Variants in CADM1 observed in about 807,000 individuals in gnomAD.
CADM1 encodes the protein TSLC-1.
In CADM1, 15 loss-of-function variants were observed where a neutral mutation model predicts 53.1. The ratio of observed to expected loss-of-function variants is 0.28; its 90% confidence interval spans 0.19 to 0.44. The LOEUF (loss-of-function observed/expected upper bound fraction) is 0.44, where lower values mean the gene tolerates loss of function less well. Among genes scored for constraint, CADM1 ranks in the 20% least tolerant of loss-of-function variants. The probability of loss-of-function intolerance (pLI) is 1.00; values close to 1 mark genes in which losing one functional copy is unlikely to be tolerated. For missense variants in CADM1, 434 were observed against 611.3 expected (o/e 0.71, Z 3.06); for synonymous variants, 281 against 243.0 (o/e 1.16, Z -1.45).
rs1939158705 is a variant in CADM1 at position 115,178,669 on chromosome 11, C to A, written c.1272G>T (p.Leu424=). 6.2e-7 allele frequency: 1 copy of A among 1,613,458 alleles called. No individual in the cohort carries two copies. Among genetic ancestry groups the A allele is most frequent in the Non-Finnish European group, 8.5e-7 (1 of 1,179,986 alleles). The change falls in exon 11 of 12, where the codon CTG becomes CTT. Residue 424 remains leucine (L), a synonymous_variant. Transcript: ENST00000331581. ...VFAMLCLLII[L]GRYFARHKGT... is the part of the protein sequence containing the mutation. The stretch of plus-strand genomic sequence containing the variant: ...CTTTATGTCTGGCAAAATAGCGCCC[C>A]AGAATGATGAGCAAGCACAGCATGG...
At chr11:115,263,301 C>T (rs1394488126) in intron 1 of CADM1, among the ~76,000 whole-genome samples, 32 of 152,194 alleles carry the variant, frequency 2.1e-4, no homozygotes, top group Admixed American at 2.0e-3. Flanking sequence ...GGAATTTATC[C>T]TCATCTCCTA....
In CADM1 at chr11:115,407,622, G is replaced by A. The variant is rs181036726; in HGVS notation, c.124+96649C>T. On this transcript the variant is annotated intron_variant, in intron 1 of 11. Coordinates refer to ENST00000331581, the MANE Select transcript of CADM1 (RefSeq NM_001301043.2). Reference sequence around the variant, plus strand: ...TGTAAAGGCAGAGTTGGCCAGGAACGGTGGCTCATGCCTGTAATCCCAACA... The same window carrying A: ...TGTAAAGGCAGAGTTGGCCAGGAACAGTGGCTCATGCCTGTAATCCCAACA... 3.9e-3 allele frequency among the ~76,000 whole-genome samples: 594 copies of A among 152,096 alleles called. 2 individuals carry two copies. Among genetic ancestry groups the A allele is most frequent in the African/African-American group, 0.013 (542 of 41,486 alleles).
chr11:115,191,635 C>T (rs2134646270), intron 9 of CADM1, among the ~76,000 whole-genome samples: 1 of 152,254 alleles, frequency 6.6e-6, no homozygotes, highest in African/African-American at 2.4e-5. Context: ...TGAGATGCTT[C>T]TCAGCTAGCT....
chr11:115,335,449 C>T (rs529014716), intron 1 of CADM1, among the ~76,000 whole-genome samples: 2 of 151,916 alleles, frequency 1.3e-5, no homozygotes, highest in South Asian at 2.1e-4. Flanking sequence ...AATAAAATAG[C>T]CTCATGTATA....
At chr11:115,299,312 T>G (rs1944158541) in intron 1 of CADM1, among the ~76,000 whole-genome samples, 1 of 152,180 alleles carries the variant, frequency 6.6e-6, no homozygotes, top group Admixed American at 6.5e-5. Flanking sequence ...AAATGGCCAC[T>G]GACTTTATCT....
chr11:115,364,155 CT>C (rs1946099057), intron 1 of CADM1, among the ~76,000 whole-genome samples: 1 of 152,120 alleles, frequency 6.6e-6, no homozygotes, highest in African/African-American at 2.4e-5. Context: ...TATCTGTGAT[CT>C]TTCTCAGTGA....
At chr11:115,240,127 T>C (rs1942172703) in intron 2 of CADM1, 147 bp downstream of exon 2, 2 of 722,024 alleles carry the variant, frequency 2.8e-6, no homozygotes, top group Non-Finnish European at 2.3e-6. Context: ...AAGATTATGA[T>C]TGCCTGTCTC....
intron 1 of CADM1, among the ~76,000 whole-genome samples, chr11:115,286,496 G>A (rs1329674266): frequency 7.2e-5 from 11 of 152,194 alleles, no homozygotes; most frequent in Non-Finnish European, 2.9e-5. Context: ...GCAGTGACCT[G>A]ACAGTGGACA....
chr11:115,246,336 T>C (rs1048151816), intron 1 of CADM1, among the ~76,000 whole-genome samples: 1 of 152,256 alleles, frequency 6.6e-6, no homozygotes, highest in African/African-American at 2.4e-5. Context: ...GACTGTCTAC[T>C]TAATGGTGAA....
intron 1 of CADM1, among the ~76,000 whole-genome samples, chr11:115,445,504 TA>T (rs11297951): frequency 0.44 from 65,991 of 149,298 alleles, 15,622 homozygotes; most frequent in Non-Finnish European, 0.56. Flanking sequence ...AATCATTGTT[TA>T]AAAAAAAAAA....
At chr11:115,304,056 A>G (rs904582982) in intron 1 of CADM1, among the ~76,000 whole-genome samples, 2 of 152,082 alleles carry the variant, frequency 1.3e-5, no homozygotes, top group Non-Finnish European at 2.9e-5. Context: ...AAAGTGACCA[A>G]ATCTACAGGG....
rs537932508 is a variant in CADM1, at chr11:115,229,619, G to C, written c.563-348C>G. ...GACATCTGGCTGCTCAAGGTATTCA[G>C]GAGGAGAAAAAGAAAAATGTTTTTC... On this transcript the variant is annotated intron_variant, in intron 4 of 11. Transcript: ENST00000331581. 6.8e-4 allele frequency among the ~76,000 whole-genome samples: 104 copies of C among 152,222 alleles called. 2 individuals are homozygous for C. The South Asian group carries it at 8.1e-3, about 12-fold the overall frequency.
At chr11:115,264,810 T>C (rs1181946265) in intron 1 of CADM1, among the ~76,000 whole-genome samples, 3 of 152,242 alleles carry the variant, frequency 2.0e-5, no homozygotes, top group Admixed American at 6.5e-5. Context: ...AAACAGCAGC[T>C]ATCATATGAC....
chr11:115,176,588 T>G lies in CADM1; in HGVS notation c.1302A>C (p.Thr434=). Residue 434 remains threonine (T), a synonymous_variant, in exon 12 of 12, where the codon ACA becomes ACC. Coordinates refer to ENST00000331581, the MANE Select transcript of CADM1 (RefSeq NM_001301043.2). ...CTCCTTTGGCTTCATGAGTGAAGTA[T>G]GTACCTGAAAGATGAAGGGGTAAAG... The part of the protein sequence containing the change: ...LGRYFARHKG[T]YFTHEAKGAD... 6.2e-7 allele frequency: 1 copy of G among 1,613,680 alleles called. No individual in the cohort carries two copies. Among genetic ancestry groups the G allele is most frequent in the South Asian group, 1.1e-5 (1 of 91,080 alleles).
At chr11:115,451,640 A>T (rs1948574370) in intron 1 of CADM1, among the ~76,000 whole-genome samples, 1 of 152,230 alleles carries the variant, frequency 6.6e-6, no homozygotes, top group Non-Finnish European at 1.5e-5. Context: ...TAGTGTAGTC[A>T]TTGGCTTCAG....
At position 115,355,707 on chromosome 11, in the gene CADM1, AACACACACAC is replaced by A. The variant is rs71066418; in HGVS notation, c.125-115297_125-115288del. Among the ~76,000 whole-genome samples the A allele has an allele frequency of 8.6e-5, 13 of 150,828 alleles. No individual in the cohort carries two copies. The East Asian group carries it at 1.8e-3, about 20-fold the overall frequency. ...AGATTTAGCTCAAGTTTAAATTACT[AACACACACAC>A]ACACACACACACACACACACAGGCA... is the stretch of plus-strand genomic sequence containing the variant. On this transcript the variant is annotated intron_variant, in intron 1 of 11. Transcript: ENST00000331581.
At chr11:115,408,574 A>C (rs556580722) in intron 1 of CADM1, among the ~76,000 whole-genome samples, 54 of 152,272 alleles carry the variant, frequency 3.5e-4, no homozygotes, top group Admixed American at 5.2e-4. Flanking sequence ...CCCCATCCCA[A>C]TCCTGAGAAA....
In CADM1 at chr11:115,213,404, T is replaced by C. The variant is rs573991971; in HGVS notation, c.994+1204A>G. On this transcript the variant is annotated intron_variant, in intron 7 of 11. Transcript: ENST00000331581. ...AGACATAATACAACCACGGACAACA[T>C]TGGTAGTGCGTAAAGATAAAACATA... 5.3e-5 allele frequency among the ~76,000 whole-genome samples: 8 copies of C among 152,284 alleles called. No homozygotes were observed. In the South Asian group the frequency reaches 6.2e-4, roughly 12 times the overall value.
At chr11:115,451,210 A>G (rs888985592) in intron 1 of CADM1, among the ~76,000 whole-genome samples, 1 of 152,212 alleles carries the variant, frequency 6.6e-6, no homozygotes, top group African/African-American at 2.4e-5. Context: ...GTCAACTGTC[A>G]TCTTGGTTGT....
Sources: allele counts gnomAD v4.1 joint callset (sites outside exome capture counted in the v4.1 genomes callset), GRCh38; gene constraint gnomAD v4.1.1; transcripts MANE v1.5; gene names NCBI Gene and HGNC (gene_info 2026-07-23, HGNC 2026-07-21).